The following RABEP1 variants were observed in gnomAD, a reference collection of about 807,000 sequenced individuals.
RABEP1 encodes rabaptin, RAB GTPase binding effector protein 1.
A neutral mutation model predicts 123.4 loss-of-function variants in RABEP1; 51 were observed. The observed-to-expected ratio is 0.41, with a 90% CI of 0.33 to 0.52. RABEP1 has a LOEUF of 0.52. Among genes scored for constraint, RABEP1 ranks in the 20% least tolerant of loss-of-function variants. RABEP1 has a pLI of 0.16. For missense variants in RABEP1, 888 were observed against 996.3 expected (o/e 0.89, Z 1.46); for synonymous variants, 347 against 355.2 (o/e 0.98, Z 0.26).
intron 8 of RABEP1, among the ~76,000 whole-genome samples, chr17:5,357,080 G>A (rs991875563): frequency 5.9e-5 from 9 of 151,982 alleles, no homozygotes; most frequent in African/African-American, 1.7e-4. Context: ...GTTTCACCAT[G>A]TTGGCCAGGC....
rs771098899 is a variant in RABEP1 at position 5,360,478 on chromosome 17, C to T, written c.1096-730C>T. 5.9e-5 allele frequency among the ~76,000 whole-genome samples: 9 copies of T among 152,340 alleles called. No individual in the cohort carries two copies. In the South Asian group the frequency reaches 1.5e-3, roughly 25 times the overall value. Reference sequence around the variant, plus strand: ...TTGGGAGGCTGAGGCAGGAGAATGGCGTGAGCCCGGGAGGCGGAGCTTGCA... The same window carrying T: ...TTGGGAGGCTGAGGCAGGAGAATGGTGTGAGCCCGGGAGGCGGAGCTTGCA... On this transcript the variant is annotated intron_variant, in intron 8 of 17. Coordinates refer to ENST00000537505, the MANE Select transcript of RABEP1 (RefSeq NM_004703.6).
chr17:5,373,059 A>G (rs1035942417), intron 12 of RABEP1, among the ~76,000 whole-genome samples: 1 of 152,172 alleles, frequency 6.6e-6, no homozygotes, highest in African/African-American at 2.4e-5. Flanking sequence ...CACCCAACCA[A>G]AAGATAGAAT....
At chr17:5,365,097 C>G in intron 10 of RABEP1, 25 bp from the exon 11 acceptor site, 1 of 1,437,396 alleles carries the variant, frequency 7.0e-7, no homozygotes. Context: ...TCTGGTTTTT[C>G]TAATTGACTT....
At chr17:5,368,508 T>A (rs761498470) in intron 12 of RABEP1, 40 bp downstream of exon 12, 1 of 1,419,322 alleles carries the variant, frequency 7.0e-7, no homozygotes, top group Non-Finnish European at 9.9e-7. Context: ...TATGTTACTA[T>A]ATATTCCTTT....
chr17:5,373,892 C>G (rs891782445), intron 13 of RABEP1, among the ~76,000 whole-genome samples: 1 of 152,102 alleles, frequency 6.6e-6, no homozygotes, highest in Admixed American at 6.6e-5. Flanking sequence ...TGTCCATGTT[C>G]TTTCACGTAG....
chr17:5,368,530 T>A (rs368339687), intron 12 of RABEP1, 62 bp downstream of exon 12: 1 of 1,192,090 alleles, frequency 8.4e-7, no homozygotes. Context: ...TTGTTCTATC[T>A]TGACATCATC....
chr17:5,301,296 G>A (rs780781458), intron 1 of RABEP1, among the ~76,000 whole-genome samples: 3 of 152,180 alleles, frequency 2.0e-5, no homozygotes, highest in African/African-American at 4.8e-5. Context: ...GCATTTGAGT[G>A]TGTTTGATTG....
intron 1 of RABEP1, among the ~76,000 whole-genome samples, chr17:5,303,246 A>AT (rs1368114103): frequency 2.0e-5 from 3 of 151,680 alleles, no homozygotes; most frequent in African/African-American, 7.3e-5. Flanking sequence ...ATTTTATTTT[A>AT]TTTTATTTTT....
chr17:5,335,511 ACT>A (rs1468194951), intron 4 of RABEP1, among the ~76,000 whole-genome samples, 167 bp downstream of exon 4: 1 of 151,880 alleles, frequency 6.6e-6, no homozygotes, highest in African/African-American at 2.4e-5. Context: ...TCTATGGCTA[ACT>A]CTCTCACCTT....
chr17:5,383,053 C>T (rs1377057811), intron 17 of RABEP1, 69 bp from the exon 18 acceptor site: 24 of 1,281,026 alleles, frequency 1.9e-5, no homozygotes, highest in Non-Finnish European at 2.2e-5. Flanking sequence ...TACATCTCAG[C>T]TAAACCAGTC....
Position 5,383,616 on chromosome 17 carries a change from T to C in RABEP1, c.*393T>C, listed in dbSNP as rs1214318446. The C allele has an allele frequency of 3.7e-6, 1 of 272,486 alleles. No homozygotes were observed. 16.9% of individuals were successfully genotyped at this position (272,486 alleles called of 1,614,324 possible). A position where few individuals can be genotyped will look rare whatever the true frequency, so the allele number is the denominator to read the frequency against. On this transcript the variant is annotated 3_prime_UTR_variant, in exon 18 of 18. Coordinates refer to ENST00000537505, the MANE Select transcript of RABEP1 (RefSeq NM_004703.6). Reference sequence around the variant, plus strand: ...AGATATTGGAAGAGAGAATTTGCTTTATCTGTTGTCTAGAGCTCATCAGTA... The same window carrying C: ...AGATATTGGAAGAGAGAATTTGCTTCATCTGTTGTCTAGAGCTCATCAGTA...
chr17:5,338,823 T>C (rs1308094065), intron 5 of RABEP1, among the ~76,000 whole-genome samples: 2 of 152,136 alleles, frequency 1.3e-5, no homozygotes, highest in African/African-American at 2.4e-5. Flanking sequence ...AGCTATAGTA[T>C]TGCTGAATTT....
chr17:5,374,850 G>T (rs1910857379), intron 13 of RABEP1, among the ~76,000 whole-genome samples: 2 of 152,124 alleles, frequency 1.3e-5, no homozygotes, highest in Non-Finnish European at 2.9e-5. Context: ...CACCACATTG[G>T]CTAGGCTGGT....
At chr17:5,290,094 T>C (rs1007162748) in intron 1 of RABEP1, among the ~76,000 whole-genome samples, 1 of 152,086 alleles carries the variant, frequency 6.6e-6, no homozygotes, top group African/African-American at 2.4e-5. Flanking sequence ...TAGAAGTATT[T>C]ATTTATTTTT....
intron 1 of RABEP1, among the ~76,000 whole-genome samples, chr17:5,295,025 T>C (rs974693084): frequency 1.5e-4 from 23 of 152,140 alleles, no homozygotes; most frequent in Admixed American, 4.6e-4. Context: ...AAAATTACAG[T>C]ACTTTTATAG....
chr17:5,326,860 C>T (rs1906025677), intron 2 of RABEP1, among the ~76,000 whole-genome samples: 1 of 152,144 alleles, frequency 6.6e-6, no homozygotes, highest in African/African-American at 2.4e-5. Flanking sequence ...GATACATTCT[C>T]AGAAATGCAT....
rs1323391988 is a variant in RABEP1, at chr17:5,381,478, T to C, written c.2460T>C (p.Asp820=). ...ATGTCAGTGAGCAAGTCCAGAGGGA[T>C]TTTGTAAAGCTTTCACAGACCCTTC... ...ELDVSEQVQR[D]FVKLSQTLQV... The change falls in exon 17 of 18, where the codon GAT becomes GAC. Residue 820 remains aspartate, a synonymous_variant. Coordinates refer to ENST00000537505, the MANE Select transcript of RABEP1 (RefSeq NM_004703.6). 4 of 1,613,288 alleles carry C rather than the reference T, an allele frequency of 2.5e-6. No individual in the cohort carries two copies. The South Asian group carries it at 4.4e-5, about 18-fold the overall frequency.
intron 2 of RABEP1, among the ~76,000 whole-genome samples, chr17:5,312,440 C>T (rs1350495646): frequency 3.3e-5 from 5 of 152,264 alleles, no homozygotes; most frequent in Admixed American, 6.5e-5. Flanking sequence ...CATGAGCCAC[C>T]GTGCCTGGCC....
intron 6 of RABEP1, among the ~76,000 whole-genome samples, chr17:5,349,210 A>T (rs543820179): frequency 5.3e-5 from 8 of 152,314 alleles, no homozygotes; most frequent in African/African-American, 1.9e-4. Context: ...TTTGCGTTTT[A>T]GAAAGTTCAG....
Sources: gnomAD v4.1 joint callset for allele counts (sites outside exome capture counted in the v4.1 genomes callset) on GRCh38, gnomAD v4.1.1 for gene constraint, MANE v1.5 for transcripts, NCBI Gene and HGNC (gene_info 2026-07-23, HGNC 2026-07-21) for gene names.